Variants in CAPN9 observed in about 807,000 individuals in gnomAD.
The protein encoded by CAPN9 is calpain 9.
CAPN9 carries 81 observed loss-of-function variants against 92.8 expected under a neutral mutation model. That is an observed-to-expected ratio of 0.87 (90% CI 0.73 to 1.05). The LOEUF is 1.05. Among genes scored for constraint, CAPN9 ranks in the 50% least tolerant of loss-of-function variants. The probability of loss-of-function intolerance (pLI) is 0.00; values close to 1 mark genes in which losing one functional copy is unlikely to be tolerated. For missense variants in CAPN9, 848 were observed against 866.2 expected, an observed-to-expected ratio of 0.98 and a Z score of 0.26; for synonymous variants, 304 against 328.0, an observed-to-expected ratio of 0.93 and a Z score of 0.79.
At chr1:230,771,982 T>C in intron 6 of CAPN9, 32 bp from the exon 7 acceptor site, 1 of 1,585,916 alleles carries the variant, frequency 6.3e-7, no homozygotes, top group Admixed American at 1.7e-5. Flanking sequence ...ATATTTATCA[T>C]TTCACACTTC....
At chr1:230,772,205 C>T (rs528908904) in intron 7 of CAPN9, 106 bp downstream of exon 7, 2 of 937,114 alleles carry the variant, frequency 2.1e-6, no homozygotes, top group African/African-American at 1.6e-5. Flanking sequence ...TCCTCCCGGG[C>T]TCTGACTCAG....
rs747107303 is a variant in CAPN9, at chr1:230,792,880, T to C, written c.1822T>C (p.Ser608Pro). ...NLFLRFDADKSGTMSTYELRT... is the reference protein window; with the variant it reads ...NLFLRFDADKPGTMSTYELRT... ...TTTCCTTCGGTTTGATGCTGACAAGTCCGGCACCATGTCTACCTATGAACT... is the reference window on the plus strand; with the variant it reads ...TTTCCTTCGGTTTGATGCTGACAAGCCCGGCACCATGTCTACCTATGAACT... Residue 608 changes from serine to proline, a missense_variant, in exon 17 of 20, where the codon TCC (serine) becomes CCC (proline). Transcript: ENST00000271971. 3.1e-6 allele frequency: 5 copies of C among 1,614,146 alleles called. No homozygotes were observed. Among genetic ancestry groups the C allele is most frequent in the Non-Finnish European group, 3.4e-6 (4 of 1,179,990 alleles).
chr1:230,773,331 T>C (rs1042675020), intron 7 of CAPN9, among the ~76,000 whole-genome samples: 25 of 152,278 alleles, frequency 1.6e-4, no homozygotes, highest in African/African-American at 5.8e-4. Flanking sequence ...CTCCCTCTCC[T>C]GGCAGAAATG....
At chr1:230,772,230 T>C in intron 7 of CAPN9, 131 bp downstream of exon 7, 1 of 716,252 alleles carries the variant, frequency 1.4e-6, no homozygotes, top group Non-Finnish European at 2.4e-6. Flanking sequence ...CTGTCCCGAT[T>C]CTGAGGTGCC....
At chr1:230,793,516 C>A (rs564095999) in intron 17 of CAPN9, among the ~76,000 whole-genome samples, 2 of 152,324 alleles carry the variant, frequency 1.3e-5, no homozygotes, top group South Asian at 4.1e-4. Flanking sequence ...GGATGGCTGT[C>A]GGCATCTCTG....
At chr1:230,753,713 A>T (rs989327822) in intron 1 of CAPN9, among the ~76,000 whole-genome samples, 1 of 152,022 alleles carries the variant, frequency 6.6e-6, no homozygotes, top group Non-Finnish European at 1.5e-5. Flanking sequence ...AAGTGGGAAG[A>T]GGTGGGAAAA....
rs1209152193 is a variant in CAPN9, at chr1:230,767,597, A to G, written c.593A>G (p.Asp198Gly). 1.9e-6 allele frequency: 3 copies of G among 1,613,666 alleles called. No homozygotes were observed. The highest frequency in any genetic ancestry group is 4.5e-5 in the East Asian group (2 of 44,874). Reference sequence around the variant, plus strand: ...GGCAGCGCCATCGAGGCCATGGAAGACTTCACTGGGGGTGTGGCAGAGACC... The same window carrying G: ...GGCAGCGCCATCGAGGCCATGGAAGGCTTCACTGGGGGTGTGGCAGAGACC... ...KGGSAIEAME[D>G]FTGGVAETFQ... Residue 198 changes from aspartate to glycine, a missense_variant, in exon 5 of 20, where the codon GAC becomes GGC. By Grantham distance (94) the Asp-to-Gly change is moderately conservative. Transcript: ENST00000271971.
intron 1 of CAPN9, among the ~76,000 whole-genome samples, chr1:230,751,585 CAAA>C (rs1664782222): frequency 1.7e-5 from 1 of 57,410 alleles, no homozygotes; most frequent in Non-Finnish European, 3.2e-5. Context: ...AAGAAAGAAA[CAAA>C]GAAAGAAAGA....
At chr1:230,795,386 C>A in intron 18 of CAPN9, 107 bp downstream of exon 18, 1 of 694,394 alleles carries the variant, frequency 1.4e-6, no homozygotes, top group South Asian at 1.7e-5. Context: ...AGATAGACCA[C>A]AGAGAGCCAT....
chr1:230,800,677 T>C (rs568365326), intron 19 of CAPN9, among the ~76,000 whole-genome samples: 1 of 152,302 alleles, frequency 6.6e-6, no homozygotes, highest in South Asian at 2.1e-4. Context: ...TCTGGCTGCA[T>C]GTTAGCATCA....
chr1:230,790,155 A>C lies in CAPN9; in HGVS notation c.1623A>C (p.Glu541Asp). The change falls in exon 14 of 20, where the codon GAA becomes GAC. Residue 541 changes from glutamate (E) to aspartate (D), a missense_variant. Transcript: ENST00000271971. ...AGGACATGGAGGTGACAGCAGAGGAACTTGAGTATGTTTTAAATGCTGTGC... is the reference window on the plus strand; with the variant it reads ...AGGACATGGAGGTGACAGCAGAGGACCTTGAGTATGTTTTAAATGCTGTGC... The part of the protein sequence containing the change: ...AGEDMEVTAE[E>D]LEYVLNAVLQ... The C allele has an allele frequency of 6.2e-7, 1 of 1,614,044 alleles. No homozygotes were observed. Among genetic ancestry groups the C allele is most frequent in the Non-Finnish European group, 8.5e-7 (1 of 1,179,926 alleles).
chr1:230,788,568 T>A (rs972186978), intron 13 of CAPN9, among the ~76,000 whole-genome samples: 1 of 152,038 alleles, frequency 6.6e-6, no homozygotes, highest in African/African-American at 2.4e-5. Flanking sequence ...CCTGGAGGGG[T>A]GATATCTAAA....
At chr1:230,751,594 A>G (rs555770712) in intron 1 of CAPN9, among the ~76,000 whole-genome samples, 1 of 27,748 alleles carries the variant, frequency 3.6e-5, no homozygotes, top group East Asian at 3.9e-4. Flanking sequence ...ACAAAGAAAG[A>G]AAGAAAGAAA....
chr1:230,752,209 T>C (rs2102828895), intron 1 of CAPN9, among the ~76,000 whole-genome samples: 1 of 152,244 alleles, frequency 6.6e-6, no homozygotes, highest in Non-Finnish European at 1.5e-5. Flanking sequence ...TGTGGGCATG[T>C]GGGCCGTCAG....
chr1:230,773,995 C>A (rs1321911288), intron 7 of CAPN9, among the ~76,000 whole-genome samples: 4 of 152,236 alleles, frequency 2.6e-5, no homozygotes, highest in Non-Finnish European at 2.9e-5. Context: ...TTTCCATGGG[C>A]CTACCTGAGC....
At chr1:230,792,759 G>T in intron 16 of CAPN9, 91 bp from the exon 17 acceptor site, 1 of 1,086,918 alleles carries the variant, frequency 9.2e-7, no homozygotes, top group Non-Finnish European at 1.4e-6. Flanking sequence ...CTAGAGGGTA[G>T]CTCCCCCGGG....
At chr1:230,762,278 A>C (rs183419125) in intron 3 of CAPN9, among the ~76,000 whole-genome samples, 37 of 152,332 alleles carry the variant, frequency 2.4e-4, no homozygotes, top group Middle Eastern at 3.4e-3. Flanking sequence ...ACAAAACAGC[A>C]AACCCAAACC....
intron 1 of CAPN9, among the ~76,000 whole-genome samples, chr1:230,754,590 C>A (rs1176912528): frequency 6.7e-6 from 1 of 149,618 alleles, no homozygotes; most frequent in Non-Finnish European, 1.5e-5. Context: ...TCACTTGAGG[C>A]CAGGAGTTTG....
chr1:230,774,960 C>T (rs1352938741), intron 8 of CAPN9, among the ~76,000 whole-genome samples: 5 of 152,038 alleles, frequency 3.3e-5, no homozygotes, highest in East Asian at 3.9e-4. Context: ...AGGCTAGTCT[C>T]GAACCCCTGA....
Sources: allele counts gnomAD v4.1 joint callset (sites outside exome capture counted in the v4.1 genomes callset), GRCh38; gene constraint gnomAD v4.1.1; transcripts MANE v1.5; gene names NCBI Gene and HGNC (gene_info 2026-07-23, HGNC 2026-07-21).